LIN7A: variants seen among roughly 807,000 people sequenced by gnomAD.
The protein encoded by LIN7A is protein lin-7 homolog A.
A neutral mutation model predicts 29.8 loss-of-function variants in LIN7A; 25 were observed. That is an observed-to-expected ratio of 0.84 (90% CI 0.61 to 1.17). The LOEUF is 1.17. Ranked by LOEUF, LIN7A falls within the 50% of genes most tolerant of loss-of-function variation. The pLI is 0.00. For synonymous variants in LIN7A, 118 were observed against 107.5 expected (o/e 1.10, Z -0.60); for missense variants, 239 against 287.0 (o/e 0.83, Z 1.21).
chr12:80,880,414 G>A (rs1874964158), intron 2 of LIN7A, among the ~76,000 whole-genome samples: 1 of 152,094 alleles, frequency 6.6e-6, no homozygotes, highest in Non-Finnish European at 1.5e-5. Flanking sequence ...TTATTCATTG[G>A]AAAGCCAAAA....
chr12:80,876,081 AGAG>A (rs780530376), intron 2 of LIN7A, among the ~76,000 whole-genome samples: 4 of 97,380 alleles, frequency 4.1e-5, no homozygotes, highest in Non-Finnish European at 1.1e-4. Context: ...ACACACACAC[AGAG>A]AGAGAGAAAG....
At chr12:80,809,518 G>A (rs1871189510) in intron 5 of LIN7A, among the ~76,000 whole-genome samples, 1 of 152,192 alleles carries the variant, frequency 6.6e-6, no homozygotes, top group African/African-American at 2.4e-5. Flanking sequence ...CAGAATATCT[G>A]ATGTTGGCAG....
intron 4 of LIN7A, among the ~76,000 whole-genome samples, chr12:80,835,894 C>G (rs1872571401): frequency 6.6e-6 from 1 of 151,008 alleles, no homozygotes; most frequent in Admixed American, 6.6e-5. Context: ...AATATGATGA[C>G]AGAAAAAAAG....
intron 1 of LIN7A, among the ~76,000 whole-genome samples, chr12:80,925,983 A>G (rs951495024): frequency 4.6e-5 from 7 of 152,160 alleles, no homozygotes; most frequent in Non-Finnish European, 1.0e-4. Flanking sequence ...TGCACCCTGC[A>G]AGATGATCAT....
At chr12:80,822,664 A>G (rs1871865128) in intron 4 of LIN7A, among the ~76,000 whole-genome samples, 1 of 151,960 alleles carries the variant, frequency 6.6e-6, no homozygotes, top group East Asian at 1.9e-4. Context: ...GGGAGCTACA[A>G]TTCAAGATGA....
intron 5 of LIN7A, among the ~76,000 whole-genome samples, chr12:80,802,289 C>T (rs1870759504): frequency 6.6e-6 from 1 of 152,164 alleles, no homozygotes; most frequent in South Asian, 2.1e-4. Flanking sequence ...CTTCCAGGTT[C>T]ATCCATGTTG....
At position 80,811,621 on chromosome 12, in the gene LIN7A, G is replaced by A; in HGVS notation, c.546C>T (p.Val182=). 6.2e-7 allele frequency: 1 copy of A among 1,614,050 alleles called. No individual in the cohort carries two copies. Among genetic ancestry groups the A allele is most frequent in the Non-Finnish European group, 8.5e-7 (1 of 1,179,978 alleles). Residue 182 remains valine, a synonymous_variant, in exon 5 of 6, where the codon GTC becomes GTT. Transcript: ENST00000552864. The part of the protein sequence containing the change: ...VELLKAAKDS[V]KLVVRYTPKV... ...TTGGGGTGTATCGCACCACCAGCTTGACGCTGTCTTTAGCAGCCTTGAGTA... is the reference window on the plus strand; with the variant it reads ...TTGGGGTGTATCGCACCACCAGCTTAACGCTGTCTTTAGCAGCCTTGAGTA...
At chr12:80,882,346 G>A (rs1875098195) in intron 2 of LIN7A, among the ~76,000 whole-genome samples, 1 of 117,868 alleles carries the variant, frequency 8.5e-6, no homozygotes, top group African/African-American at 2.8e-5. Flanking sequence ...GTGCAGTGGC[G>A]GGATCTCGGC....
intron 1 of LIN7A, among the ~76,000 whole-genome samples, chr12:80,891,706 G>A (rs1173619408): frequency 6.6e-6 from 1 of 152,092 alleles, no homozygotes; most frequent in Non-Finnish European, 1.5e-5. Context: ...GTATAACAAA[G>A]ACATTTATCA....
At chr12:80,809,903 T>C (rs1871207219) in intron 5 of LIN7A, among the ~76,000 whole-genome samples, 2 of 152,206 alleles carry the variant, frequency 1.3e-5, no homozygotes, top group Non-Finnish European at 2.9e-5. Context: ...CAAGTAATAA[T>C]TTTATATATT....
chr12:80,893,487 G>A (rs1014802196), intron 1 of LIN7A, among the ~76,000 whole-genome samples: 57 of 152,068 alleles, frequency 3.7e-4, no homozygotes, highest in South Asian at 2.1e-4. Flanking sequence ...AACCAGACAC[G>A]TCTCCATTAA....
intron 5 of LIN7A, among the ~76,000 whole-genome samples, chr12:80,808,185 C>T (rs976604842): frequency 2.0e-5 from 3 of 152,208 alleles, no homozygotes; most frequent in Admixed American, 6.5e-5. Flanking sequence ...TCGTTTTAGT[C>T]TCTTTTCCTG....
intron 2 of LIN7A, among the ~76,000 whole-genome samples, chr12:80,859,469 G>T (rs1873760736): frequency 6.6e-6 from 1 of 152,122 alleles, no homozygotes; most frequent in South Asian, 2.1e-4. Context: ...AATATAATTT[G>T]TGAGTTATTT....
rs1303487231 is a variant in LIN7A at position 80,795,837 on chromosome 12, T to C, written c.*1890A>G. On this transcript the variant is annotated 3_prime_UTR_variant, in exon 6 of 6. Transcript: ENST00000552864. Reference sequence around the variant, plus strand: ...CATCGTCTCCATTCATTCCCTTTTATCATGCTTGTCCTTTTTGTAAATCTA... The same window carrying C: ...CATCGTCTCCATTCATTCCCTTTTACCATGCTTGTCCTTTTTGTAAATCTA... The C allele has an allele frequency of 6.6e-6, 1 of 152,190 alleles. No individual in the cohort carries two copies. The highest frequency in any genetic ancestry group is 1.5e-5 in the Non-Finnish European group (1 of 67,996). 9.4% of individuals were successfully genotyped at this position (152,190 alleles called of 1,614,324 possible).
chr12:80,854,318 T>C (rs2121549604), intron 2 of LIN7A, among the ~76,000 whole-genome samples: 1 of 152,038 alleles, frequency 6.6e-6, no homozygotes, highest in East Asian at 1.9e-4. Flanking sequence ...CTCACATCTG[T>C]AATCTCAGCA....
chr12:80,848,781 A>G (rs1296344524), intron 2 of LIN7A, among the ~76,000 whole-genome samples: 1 of 152,190 alleles, frequency 6.6e-6, no homozygotes, highest in Non-Finnish European at 1.5e-5. Flanking sequence ...TCCATTTGGT[A>G]CTAGGCTAGA....
chr12:80,861,546 A>G (rs1293828646), intron 2 of LIN7A: 1 of 152,282 alleles, frequency 6.6e-6, no homozygotes, highest in Non-Finnish European at 1.5e-5. Context: ...AGTTTTCTTC[A>G]GGAAGGTTTA....
At chr12:80,920,151 C>T (rs1274487032) in intron 1 of LIN7A, among the ~76,000 whole-genome samples, 2 of 152,158 alleles carry the variant, frequency 1.3e-5, no homozygotes, top group Admixed American at 1.3e-4. Flanking sequence ...ACTCTGCAGC[C>T]GTAGCAGGAA....
At chr12:80,891,075 C>G (rs1047676191) in intron 1 of LIN7A, among the ~76,000 whole-genome samples, 4 of 152,128 alleles carry the variant, frequency 2.6e-5, no homozygotes, top group Non-Finnish European at 5.9e-5. Context: ...TTCACACTCC[C>G]CTTGCATACA....
Sources: allele counts gnomAD v4.1 joint callset (sites outside exome capture counted in the v4.1 genomes callset), GRCh38; gene constraint gnomAD v4.1.1; transcripts MANE v1.5; gene names NCBI Gene and HGNC (gene_info 2026-07-23, HGNC 2026-07-21).